The following FAM13A variants were observed in gnomAD, a reference collection of about 807,000 sequenced individuals.
FAM13A encodes the protein family with sequence similarity 13 member A.
In FAM13A, 76 loss-of-function variants were observed where a neutral mutation model predicts 129.6. The observed-to-expected ratio is 0.59, with a 90% CI of 0.49 to 0.71. The LOEUF is 0.71. Among genes scored for constraint, FAM13A ranks in the 30% least tolerant of loss-of-function variants. The probability of loss-of-function intolerance (pLI) is 0.00; values close to 1 mark genes in which losing one functional copy is unlikely to be tolerated. For missense variants in FAM13A, 1,108 were observed against 1,249.3 expected, an observed-to-expected ratio of 0.89 and a Z score of 1.70; for synonymous variants, 443 against 449.9, an observed-to-expected ratio of 0.98 and a Z score of 0.20.
chr4:88,959,412 G>C (rs1172442869), intron 4 of FAM13A, among the ~76,000 whole-genome samples: 1 of 152,332 alleles, frequency 6.6e-6, no homozygotes, highest in South Asian at 2.1e-4. Context: ...TTGGTGATGA[G>C]TGAACTCTCA....
intron 13 of FAM13A, among the ~76,000 whole-genome samples, chr4:88,762,225 G>T (rs1157443961): frequency 6.6e-6 from 1 of 152,182 alleles, no homozygotes; most frequent in East Asian, 1.9e-4. Flanking sequence ...GCAAAGGACA[G>T]CCAGAGCCAC....
At chr4:88,911,242 A>T (rs1230325522) in intron 5 of FAM13A, among the ~76,000 whole-genome samples, 1 of 152,116 alleles carries the variant, frequency 6.6e-6, no homozygotes, top group East Asian at 1.9e-4. Context: ...CATTCACCTC[A>T]CAAAAGTACA....
chr4:88,996,419 G>A (rs1334575332), intron 3 of FAM13A, among the ~76,000 whole-genome samples: 1 of 152,208 alleles, frequency 6.6e-6, no homozygotes, highest in African/African-American at 2.4e-5. Context: ...TGACGGGATG[G>A]TTAGACGTGG....
At chr4:88,879,209 A>G (rs2150117022) in intron 6 of FAM13A, among the ~76,000 whole-genome samples, 1 of 152,354 alleles carries the variant, frequency 6.6e-6, no homozygotes, top group East Asian at 1.9e-4. Context: ...ACACAGGTTA[A>G]GAGGTAAGAA....
At chr4:89,050,261 G>C (rs938916246) in intron 1 of FAM13A, among the ~76,000 whole-genome samples, 1 of 151,818 alleles carries the variant, frequency 6.6e-6, no homozygotes, top group African/African-American at 2.4e-5. Flanking sequence ...ACCCATGCTG[G>C]AGTGCAGTGG....
At chr4:88,948,735 C>G (rs1322819881) in intron 4 of FAM13A, among the ~76,000 whole-genome samples, 1 of 152,186 alleles carries the variant, frequency 6.6e-6, no homozygotes, top group Non-Finnish European at 1.5e-5. Flanking sequence ...ATGATCCAAC[C>G]ACCTCGGCCT....
intron 7 of FAM13A, among the ~76,000 whole-genome samples, chr4:88,835,547 T>C (rs973963153): frequency 6.6e-6 from 1 of 152,160 alleles, no homozygotes; most frequent in African/African-American, 2.4e-5. Context: ...CATTGTAATA[T>C]ATAGTGAAAT....
At chr4:88,821,742 A>T (rs1731955643) in intron 7 of FAM13A, among the ~76,000 whole-genome samples, 1 of 152,210 alleles carries the variant, frequency 6.6e-6, no homozygotes, top group South Asian at 2.1e-4. Flanking sequence ...GGACATTTTC[A>T]CTGAGTTCAC....
chr4:88,945,652 G>A (rs562813563), intron 4 of FAM13A, among the ~76,000 whole-genome samples: 2 of 151,498 alleles, frequency 1.3e-5, no homozygotes, highest in African/African-American at 2.4e-5. Context: ...TCCCTAATGC[G>A]ACTGTTTGTT....
intron 1 of FAM13A, among the ~76,000 whole-genome samples, chr4:89,052,445 G>A (rs1409385858): frequency 7.0e-6 from 1 of 142,876 alleles, no homozygotes; most frequent in Non-Finnish European, 1.5e-5. Context: ...ATCTCCTAAA[G>A]CTATCCCTCC....
At chr4:88,825,390 T>C (rs1022054094) in intron 7 of FAM13A, among the ~76,000 whole-genome samples, 3 of 151,936 alleles carry the variant, frequency 2.0e-5, no homozygotes, top group African/African-American at 7.3e-5. Flanking sequence ...CTAATTTTTG[T>C]ATTTTTAGTA....
chr4:88,850,414 G>A (rs752318980), intron 7 of FAM13A, among the ~76,000 whole-genome samples: 12 of 152,110 alleles, frequency 7.9e-5, no homozygotes, highest in Admixed American at 2.0e-4. Context: ...AAAATTAGCC[G>A]GGCATGGTGG....
chr4:88,874,541 T>C (rs1400372200), intron 6 of FAM13A, among the ~76,000 whole-genome samples: 1 of 152,142 alleles, frequency 6.6e-6, no homozygotes, highest in African/African-American at 2.4e-5. Context: ...CCATTCACAA[T>C]TGCTTCAAAG....
At chr4:88,815,331 C>A (rs1730518572) in intron 7 of FAM13A, among the ~76,000 whole-genome samples, 1 of 152,152 alleles carries the variant, frequency 6.6e-6, no homozygotes, top group Admixed American at 6.6e-5. Context: ...CCACCCCTGG[C>A]CCCACTATTT....
At chr4:88,751,549 A>G (rs1299975030) in intron 14 of FAM13A, among the ~76,000 whole-genome samples, 5 of 152,082 alleles carry the variant, frequency 3.3e-5, no homozygotes, top group African/African-American at 1.2e-4. Context: ...TAAATTAGCC[A>G]ACAGAAGAAA....
At chr4:89,013,333 TAC>T (rs764118648) in intron 3 of FAM13A, among the ~76,000 whole-genome samples, 6 of 149,522 alleles carry the variant, frequency 4.0e-5, no homozygotes, top group Admixed American at 6.7e-5. Flanking sequence ...ACAGTATATA[TAC>T]ATATATATAA....
At chr4:88,830,106 T>A (rs1733643513) in intron 7 of FAM13A, among the ~76,000 whole-genome samples, 1 of 152,164 alleles carries the variant, frequency 6.6e-6, no homozygotes. Context: ...CATAACAAAC[T>A]TCTTCTGCTA....
chr4:89,003,643 AT>A (rs1474992553), intron 3 of FAM13A, among the ~76,000 whole-genome samples: 1 of 152,108 alleles, frequency 6.6e-6, no homozygotes, highest in Non-Finnish European at 1.5e-5. Context: ...AAAGAAAAAA[AT>A]ATATATACAT....
At chr4:88,978,083 A>G (rs1030908305) in intron 4 of FAM13A, among the ~76,000 whole-genome samples, 4 of 152,194 alleles carry the variant, frequency 2.6e-5, no homozygotes, top group Non-Finnish European at 5.9e-5. Flanking sequence ...ACATGGTTCA[A>G]TCTAATACCT....
Sources: allele counts gnomAD v4.1 joint callset (sites outside exome capture counted in the v4.1 genomes callset), GRCh38; gene constraint gnomAD v4.1.1; transcripts MANE v1.5; gene names NCBI Gene and HGNC (gene_info 2026-07-23, HGNC 2026-07-21).